Variants in VPS16 observed in about 807,000 individuals in gnomAD.
VPS16 encodes the protein vacuolar protein sorting-associated protein 16 homolog.
Under a neutral mutation model 116.0 loss-of-function variants are expected in VPS16, and 82 were observed. The ratio of observed to expected loss-of-function variants is 0.71; its 90% CI spans 0.59 to 0.85. The LOEUF is 0.85. Ranked by LOEUF, VPS16 falls within the 40% of genes least tolerant of loss-of-function variation. The probability of loss-of-function intolerance (pLI) is 0.00; values close to 1 mark genes in which losing one functional copy is unlikely to be tolerated. For missense variants in VPS16, 928 were observed against 1,090.6 expected (o/e 0.85, Z 2.10); for synonymous variants, 406 against 420.7 (o/e 0.96, Z 0.43).
Position 2,863,491 on chromosome 20 carries a change from G to T in VPS16, c.1476+93G>T. The T allele has an allele frequency of 7.8e-7, 1 of 1,285,932 alleles. No homozygotes were observed. Among genetic ancestry groups the T allele is most frequent in the Admixed American group, 1.9e-5 (1 of 52,596 alleles). 79.7% of individuals were successfully genotyped at this position (1,285,932 alleles called of 1,614,324 possible). Reference sequence around the variant, plus strand: ...GAAAGTGTAGAACTGCGCTGGGCACGGTGGCTCATGCCTGTAATCCCAACA... The same window carrying T: ...GAAAGTGTAGAACTGCGCTGGGCACTGTGGCTCATGCCTGTAATCCCAACA... On this transcript the variant is annotated intron_variant, in intron 15 of 23. Transcript: ENST00000380445. This position sits in a 1 kb window ranked among gnomAD's most constrained non-coding sequence, Gnocchi z 4.4.
At position 2,863,992 on chromosome 20, in the gene VPS16, T is replaced by C. The variant is rs2089281098; in HGVS notation, c.1520T>C (p.Ile507Thr). ...DVSDEDVARAINQKLGDTPGV... is the reference protein window; with the variant it reads ...DVSDEDVARATNQKLGDTPGV... Reference sequence around the variant, plus strand: ...TCAGATGAGGATGTGGCTCGAGCCATTAACCAGAAGCTGGGGGACACGCCT... The same window carrying C: ...TCAGATGAGGATGTGGCTCGAGCCACTAACCAGAAGCTGGGGGACACGCCT... The change falls in exon 16 of 24, where the codon ATT becomes ACT. Residue 507 changes from isoleucine to threonine, a missense_variant. Coordinates refer to ENST00000380445, the MANE Select transcript of VPS16 (RefSeq NM_022575.4). This position sits in a 1 kb window ranked among gnomAD's most constrained non-coding sequence, Gnocchi z 4.4. 1 of 1,613,932 alleles carries C rather than the reference T, an allele frequency of 6.2e-7. No individual in the cohort carries two copies. The highest frequency in any genetic ancestry group is 8.5e-7 in the Non-Finnish European group (1 of 1,179,992).
intron 1 of VPS16, among the ~76,000 whole-genome samples, chr20:2,842,491 C>T (rs2088988579): frequency 6.6e-6 from 1 of 151,772 alleles, no homozygotes; most frequent in Admixed American, 6.6e-5. Flanking sequence ...CTTGTAATCC[C>T]AGCTACTTGG....
At chr20:2,862,332 C>A in intron 11 of VPS16, 1 of 976,768 alleles carries the variant, frequency 1.0e-6, no homozygotes, top group Non-Finnish European at 1.5e-6. Context: ...AGCATCCCCA[C>A]TATCCCCACC....
At position 2,866,591 on chromosome 20, in the gene VPS16, A is replaced by C. The variant is rs769212559; in HGVS notation, c.*17A>C. 38 of 1,612,956 alleles carry C rather than the reference A, an allele frequency of 2.4e-5. 1 individual carries two copies. The Middle Eastern group carries it at 5.2e-4, about 22-fold the overall frequency. On this transcript the variant is annotated 3_prime_UTR_variant, in exon 24 of 24. Transcript: ENST00000380445. Reference sequence around the variant, plus strand: ...AAGAAGTGAGGAGTCCATCCTGTACATCTCAAGCAAGGGGTTCCTCCCCTA... The same window carrying C: ...AAGAAGTGAGGAGTCCATCCTGTACCTCTCAAGCAAGGGGTTCCTCCCCTA...
At position 2,865,483 on chromosome 20, in the gene VPS16, C is replaced by T; in HGVS notation, c.2259C>T (p.Pro753=). Residue 753 remains proline, a synonymous_variant, in exon 22 of 24, where the codon CCC becomes CCT. Transcript: ENST00000380445. The surrounding 1 kb of genome is among the most constrained non-coding windows in gnomAD (Gnocchi z 5.2). ...AGTTTTCCAAGAGCAAGAAATCACCCATTGGCTACCTGGTGAGGCAGGGTC... is the reference window on the plus strand; with the variant it reads ...AGTTTTCCAAGAGCAAGAAATCACCTATTGGCTACCTGGTGAGGCAGGGTC... The part of the protein sequence containing the change: ...LEKFSKSKKS[P]IGYLPFVEIC... The T allele has an allele frequency of 6.2e-7, 1 of 1,613,890 alleles. No homozygotes were observed. Among genetic ancestry groups the T allele is most frequent in the Non-Finnish European group, 8.5e-7 (1 of 1,179,934 alleles).
intron 1 of VPS16, among the ~76,000 whole-genome samples, chr20:2,842,649 TATAG>T (rs1304724933): frequency 3.4e-5 from 5 of 148,034 alleles, no homozygotes; most frequent in South Asian, 2.1e-4. Flanking sequence ...GATAGATAGA[TATAG>T]ATAGATATAT....
chr20:2,843,575 T>C (rs2089030984), intron 1 of VPS16, among the ~76,000 whole-genome samples: 1 of 152,234 alleles, frequency 6.6e-6, no homozygotes, highest in African/African-American at 2.4e-5. Context: ...GGTAGCCATG[T>C]CATTTAGTAT....
At chr20:2,854,795 C>CAA (rs200987248) in intron 1 of VPS16, among the ~76,000 whole-genome samples, 60,737 of 130,250 alleles carry the variant, frequency 0.47, 15,208 homozygotes, top group African/African-American at 0.69. Flanking sequence ...GACTCCATCT[C>CAA]AAAAAAAAAA....
rs886427184 is a variant in VPS16, at chr20:2,864,827, A to T, written c.1927-151A>T. On this transcript the variant is annotated intron_variant, in intron 19 of 23. Transcript: ENST00000380445. The surrounding 1 kb of genome is among the most constrained non-coding windows in gnomAD (Gnocchi z 5.2). ...GGGGTTAGTGTCAGAGGAGCTAGCC[A>T]TCCCTCTAGGACATCAGAGTGGTGC... is the stretch of plus-strand genomic sequence containing the variant. The T allele has an allele frequency of 1.0e-5, 12 of 1,180,610 alleles. No individual in the cohort carries two copies. The highest frequency in any genetic ancestry group is 1.3e-5 in the Non-Finnish European group (11 of 820,056). The allele number at this position is 1,180,610 out of a possible 1,614,324, so 73.1% of individuals were successfully genotyped here.
Position 2,863,118 on chromosome 20 carries a change from G to T in VPS16, c.1367+18G>T. ...CTGGACAGGTAGGGTAAGCCCAAGG[G>T]TGCAGTGAGCGGGCTGTCAGGGGGG... On this transcript the variant is annotated intron_variant, in intron 14 of 23. Coordinates refer to ENST00000380445, the MANE Select transcript of VPS16 (RefSeq NM_022575.4). This position sits in a 1 kb window ranked among gnomAD's most constrained non-coding sequence, Gnocchi z 4.4. The T allele has an allele frequency of 6.2e-7, 1 of 1,613,858 alleles. No individual in the cohort carries two copies. The highest frequency in any genetic ancestry group is 8.5e-7 in the Non-Finnish European group (1 of 1,179,990).
chr20:2,842,830 A>C (rs1357345601), intron 1 of VPS16, among the ~76,000 whole-genome samples: 100 of 662 alleles, frequency 0.15, 2 homozygotes, highest in Non-Finnish European at 0.24. Flanking sequence ...AGATAGACAT[A>C]TAGATGTATC....
rs1322902262 is a variant in VPS16, at chr20:2,860,398, G to T, written c.369+31G>T. 1.9e-6 allele frequency: 3 copies of T among 1,614,130 alleles called. No homozygotes were observed. The highest frequency in any genetic ancestry group is 1.3e-5 in the African/African-American group (1 of 75,024). Reference sequence around the variant, plus strand: ...GGTCACAGAGGGCTGGGGACGCGGGGTAGAGTTTATGACCCTGTGGCTCCC... The same window carrying T: ...GGTCACAGAGGGCTGGGGACGCGGGTTAGAGTTTATGACCCTGTGGCTCCC... On this transcript the variant is annotated intron_variant, in intron 4 of 23. Transcript: ENST00000380445. This position sits in a 1 kb window ranked among gnomAD's most constrained non-coding sequence, Gnocchi z 6.1.
At chr20:2,850,472 A>G (rs2089107033) in intron 1 of VPS16, among the ~76,000 whole-genome samples, 1 of 151,950 alleles carries the variant, frequency 6.6e-6, no homozygotes, top group East Asian at 1.9e-4. Context: ...ATAAAAATAC[A>G]AAAATTATCT....
chr20:2,852,176 T>G (rs535735474), intron 1 of VPS16, among the ~76,000 whole-genome samples: 7 of 152,204 alleles, frequency 4.6e-5, no homozygotes, highest in African/African-American at 1.7e-4. Flanking sequence ...GGGACCATGC[T>G]TTGCGGATGT....
intron 1 of VPS16, among the ~76,000 whole-genome samples, chr20:2,855,288 GT>G (rs35678700): frequency 0.48 from 69,748 of 145,970 alleles, 18,165 homozygotes; most frequent in African/African-American, 0.7. Flanking sequence ...AAGGAATCTT[GT>G]TTTTTTTTTT....
rs180875111 is a variant in VPS16 at position 2,857,514 on chromosome 20, T to C, written c.54-2205T>C. ...TCTTAAAAGTTGTATTTCTTTCTTT[T>C]TTTTTTTTTTGAGACGGAGTCTCAC... On this transcript the variant is annotated intron_variant, in intron 1 of 23. Transcript: ENST00000380445. Among the ~76,000 whole-genome samples, 107 of 139,976 alleles carry C rather than the reference T, an allele frequency of 7.6e-4. No homozygotes were observed. The East Asian group carries it at 0.014, about 19-fold the overall frequency. The allele number at this position is 139,976 out of a possible 152,430, so 91.8% of individuals were successfully genotyped here. A position where few individuals can be genotyped will look rare whatever the true frequency, so the allele number is the denominator to read the frequency against.
rs141261390 is a variant in VPS16 at position 2,861,233 on chromosome 20, A to G, written c.762A>G (p.Leu254=). 77 of 1,614,180 alleles carry G rather than the reference A, an allele frequency of 4.8e-5. No individual in the cohort carries two copies. The African/African-American group carries it at 8.5e-4, about 18-fold the overall frequency. Residue 254 remains leucine (L), a synonymous_variant, in exon 8 of 24, where the codon CTA becomes CTG. Transcript: ENST00000380445. ...TGCCCACACCATTTCAGGAGAAGCT[A>G]TGTGAGTTCAACTGCAACATCCGGG... The part of the protein sequence containing the change: ...WMGTASLKEK[L]CEFNCNIRAP...
Position 2,864,050 on chromosome 20 carries a change from C to T in VPS16, c.1578C>T (p.Ala526=), listed in dbSNP as rs2089282360. 2 of 1,614,190 alleles carry T rather than the reference C, an allele frequency of 1.2e-6. No individual in the cohort carries two copies. The highest frequency in any genetic ancestry group is 8.5e-7 in the Non-Finnish European group (1 of 1,180,016). The part of the protein sequence containing the change: ...GVSYSDIAAR[A]YGCGRTELAI... The stretch of plus-strand genomic sequence containing the variant: ...CTTACTCCGACATTGCTGCACGAGC[C>T]TATGGTTGTGGCCGCACGGAGCTGG... The change falls in exon 16 of 24, where the codon GCC becomes GCT. Residue 526 remains alanine, a synonymous_variant. Coordinates refer to ENST00000380445, the MANE Select transcript of VPS16 (RefSeq NM_022575.4). The surrounding 1 kb of genome is among the most constrained non-coding windows in gnomAD (Gnocchi z 5.2).
At position 2,862,879 on chromosome 20, in the gene VPS16, C is replaced by T. The variant is rs1440490602; in HGVS notation, c.1276C>T (p.Arg426Cys). The T allele has an allele frequency of 6.8e-6, 11 of 1,614,106 alleles. No individual in the cohort carries two copies. Among genetic ancestry groups the T allele is most frequent in the South Asian group, 2.2e-5 (2 of 91,086 alleles). ...CTTCGTGCACATGTGTCAGGACCTG[C>T]GTGTGCTCAATGCTGTTCGGGACTA... is the stretch of plus-strand genomic sequence containing the variant. ...DSFVHMCQDL[R>C]VLNAVRDYHI... The change falls in exon 13 of 24, where the codon CGT (arginine) becomes TGT (cysteine). Residue 426 changes from arginine (R) to cysteine (C), a missense_variant. By Grantham distance (180) the Arg-to-Cys change is radical (BLOSUM62 -3). Coordinates refer to ENST00000380445, the MANE Select transcript of VPS16 (RefSeq NM_022575.4).
Sources: allele counts gnomAD v4.1 joint callset (sites outside exome capture counted in the v4.1 genomes callset), GRCh38; gene constraint gnomAD v4.1.1; non-coding constraint Gnocchi (gnomAD v3.1); transcripts MANE v1.5; gene names NCBI Gene and HGNC (gene_info 2026-07-23, HGNC 2026-07-21).